NAV2: variants seen among roughly 807,000 people sequenced by gnomAD.
The protein encoded by NAV2 is helicase, APC down-regulated 1.
NAV2 carries 54 observed loss-of-function variants against 223.2 expected under a neutral mutation model. That is an observed-to-expected ratio of 0.24 (90% CI 0.19 to 0.30). The LOEUF (loss-of-function observed/expected upper bound fraction) is 0.30. Ranked by LOEUF, NAV2 falls within the 10% of genes least tolerant of loss-of-function variation. The probability of loss-of-function intolerance (pLI) is 1.00; values close to 1 mark genes in which losing one functional copy is unlikely to be tolerated. For missense variants in NAV2, 2,806 were observed against 3,147.5 expected (o/e 0.89, Z 2.60); for synonymous variants, 1,279 against 1,239.3 (o/e 1.03, Z -0.67).
chr11:19,743,633 G>T (rs1393015292), intron 1 of NAV2, among the ~76,000 whole-genome samples: 2 of 152,232 alleles, frequency 1.3e-5, no homozygotes, highest in African/African-American at 4.8e-5. Context: ...GAATTCCAAG[G>T]CGAGGCCACA....
chr11:19,805,787 C>T (rs997703446), intron 1 of NAV2, among the ~76,000 whole-genome samples: 15 of 152,158 alleles, frequency 9.9e-5, no homozygotes, highest in African/African-American at 3.1e-4. Context: ...TTCTCATCCC[C>T]GCAACATCCT....
rs144186945 is a variant in NAV2, at chr11:20,015,002, G to A, written c.2769-20957G>A. On this transcript the variant is annotated intron_variant, in intron 11 of 37. Coordinates refer to ENST00000349880, the MANE Select transcript of NAV2 (RefSeq NM_145117.5). ...TCCCAGCTACTGGGGAGGCTGAGGCGGGAGGATTGCTTGAGCCCAGGAGTT... is the reference window on the plus strand; with the variant it reads ...TCCCAGCTACTGGGGAGGCTGAGGCAGGAGGATTGCTTGAGCCCAGGAGTT... Among the ~76,000 whole-genome samples the A allele has an allele frequency of 1.2e-3, 183 of 152,200 alleles. 3 individuals carry two copies. In the East Asian group the frequency reaches 0.024, roughly 20 times the overall value.
At chr11:19,802,711 CAAAAA>C (rs35777344) in intron 1 of NAV2, among the ~76,000 whole-genome samples, 39 of 117,036 alleles carry the variant, frequency 3.3e-4, no homozygotes, top group Middle Eastern at 4.5e-3. Context: ...CCCTGTCTCT[CAAAAA>C]AAAAAAAAAA....
chr11:19,536,712 G>A (rs1383867757), intron 1 of NAV2, among the ~76,000 whole-genome samples: 22 of 152,152 alleles, frequency 1.4e-4, no homozygotes, highest in Admixed American at 1.4e-3. Context: ...CTCCAAATGT[G>A]GTATCTCTCC....
intron 1 of NAV2, chr11:19,778,438 TATG>T: frequency 2.2e-6 from 1 of 448,906 alleles, no homozygotes; most frequent in Non-Finnish European, 4.5e-6. Flanking sequence ...AAGAAATAGG[TATG>T]ATTAATAAAC....
At chr11:19,926,899 C>T (rs2044802249) in intron 6 of NAV2, among the ~76,000 whole-genome samples, 3 of 152,132 alleles carry the variant, frequency 2.0e-5, no homozygotes, top group Admixed American at 6.5e-5. Context: ...ACCAGACCAC[C>T]AACATCTCCC....
At chr11:19,704,035 G>T (rs138054356) in intron 1 of NAV2, among the ~76,000 whole-genome samples, 116 of 151,922 alleles carry the variant, frequency 7.6e-4, no homozygotes, top group African/African-American at 2.4e-3. Context: ...GGGGTGGAAG[G>T]GGGTAGGTAT....
intron 3 of NAV2, among the ~76,000 whole-genome samples, chr11:19,859,868 G>A (rs1387924049): frequency 2.1e-5 from 3 of 139,604 alleles, no homozygotes; most frequent in Non-Finnish European, 4.7e-5. Context: ...CGGGCGGGGG[G>A]CTGACCCCCC....
At chr11:20,115,652 A>AAG (rs2063019125) in intron 37 of NAV2, among the ~76,000 whole-genome samples, 1 of 149,172 alleles carries the variant, frequency 6.7e-6, no homozygotes, top group African/African-American at 2.5e-5. Context: ...AAAAAAAAAA[A>AAG]AAAGCACCCG....
intron 13 of NAV2, among the ~76,000 whole-genome samples, chr11:20,044,621 A>G (rs897343294): frequency 6.6e-6 from 1 of 152,258 alleles, no homozygotes; most frequent in East Asian, 1.9e-4. Context: ...ATTTATAAAC[A>G]AGGGCAGAGG....
intron 28 of NAV2, among the ~76,000 whole-genome samples, chr11:20,092,689 C>T (rs1463563292): frequency 1.3e-5 from 2 of 152,156 alleles, no homozygotes; most frequent in African/African-American, 2.4e-5. Flanking sequence ...CCCATAGTAG[C>T]AGGTCTCAGT....
intron 1 of NAV2, among the ~76,000 whole-genome samples, chr11:19,460,542 C>A (rs983642437): frequency 1.3e-5 from 2 of 151,482 alleles, no homozygotes; most frequent in Non-Finnish European, 2.9e-5. Flanking sequence ...AGCAAACTAT[C>A]GCAAGGACAA....
chr11:19,777,088 C>A (rs1222221321), intron 1 of NAV2, among the ~76,000 whole-genome samples: 1 of 127,446 alleles, frequency 7.8e-6, no homozygotes, highest in African/African-American at 3.4e-5. Flanking sequence ...ACTCACCAGC[C>A]GCCGACCCCC....
At chr11:20,080,244 A>G (rs375339933) in intron 25 of NAV2, 35 bp downstream of exon 25, 3 of 1,597,496 alleles carry the variant, frequency 1.9e-6, no homozygotes, top group South Asian at 1.1e-5. Flanking sequence ...GGACTGACGG[A>G]CAGAGTCAGT....
intron 1 of NAV2, among the ~76,000 whole-genome samples, chr11:19,667,470 GGTGAAGAAACAGA>G (rs1365214971): frequency 6.6e-6 from 1 of 152,206 alleles, no homozygotes; most frequent in Non-Finnish European, 1.5e-5. Context: ...GGCACGAGGA[GGTGAAGAAACAGA>G]GTGAAGAGGA....
At chr11:19,371,916 T>C (rs1212532732) in intron 1 of NAV2, among the ~76,000 whole-genome samples, 2 of 152,094 alleles carry the variant, frequency 1.3e-5, no homozygotes, top group Non-Finnish European at 2.9e-5. Context: ...TAGCTGGGAT[T>C]ACAGGCACCC....
chr11:19,627,404 T>C (rs2047202577), intron 1 of NAV2, among the ~76,000 whole-genome samples: 1 of 151,028 alleles, frequency 6.6e-6, no homozygotes, highest in Admixed American at 6.6e-5. Context: ...AAAAAAGAGA[T>C]CCATGTGCCT....
intron 1 of NAV2, among the ~76,000 whole-genome samples, chr11:19,769,676 T>C (rs1035544571): frequency 1.1e-4 from 17 of 152,184 alleles, no homozygotes; most frequent in Admixed American, 7.2e-4. Flanking sequence ...AGGATTAAGA[T>C]CCCTAACAAA....
At chr11:19,529,516 G>A (rs1050976696) in intron 1 of NAV2, among the ~76,000 whole-genome samples, 9 of 151,988 alleles carry the variant, frequency 5.9e-5, no homozygotes, top group African/African-American at 1.7e-4. Flanking sequence ...CTAACATGTC[G>A]CCTTTTTCTT....
Sources: allele counts gnomAD v4.1 joint callset (sites outside exome capture counted in the v4.1 genomes callset), GRCh38; gene constraint gnomAD v4.1.1; transcripts MANE v1.5; gene names NCBI Gene and HGNC (gene_info 2026-07-23, HGNC 2026-07-21).